The following MICAL2 variants were observed in gnomAD, a reference collection of about 807,000 sequenced individuals.
The protein encoded by MICAL2 is microtubule associated monooxygenase, calponin and LIM domain containing 2.
In MICAL2, 77 loss-of-function variants were observed where a neutral mutation model predicts 127.3. That is an observed-to-expected ratio of 0.60 (90% CI 0.50 to 0.73). MICAL2 has a LOEUF of 0.73. MICAL2 is among the 30% of genes least tolerant of loss of function. MICAL2 has a pLI of 0.00. For synonymous variants in MICAL2, 570 were observed against 551.1 expected, an observed-to-expected ratio of 1.03 and a Z score of -0.48; for missense variants, 1,351 against 1,434.4, an observed-to-expected ratio of 0.94 and a Z score of 0.94.
intron 3 of MICAL2, among the ~76,000 whole-genome samples, chr11:12,188,895 ACT>A (rs969288916): frequency 6.6e-6 from 1 of 151,856 alleles, no homozygotes; most frequent in African/African-American, 2.4e-5. Context: ...CACTATGCGG[ACT>A]CTCTGGATCA....
chr11:12,206,741 T>C (rs1854738906), intron 4 of MICAL2, among the ~76,000 whole-genome samples: 1 of 152,182 alleles, frequency 6.6e-6, no homozygotes. Flanking sequence ...CCTGTGTTCC[T>C]GTTCTAGGCC....
At chr11:12,118,361 C>A (rs1479386425) in intron 1 of MICAL2, among the ~76,000 whole-genome samples, 1 of 152,188 alleles carries the variant, frequency 6.6e-6, no homozygotes, top group African/African-American at 2.4e-5. Context: ...ACTTTTTTGG[C>A]AGCTGTTGTC....
chr11:12,347,221 G>A (rs1319059783), intron 32 of MICAL2, among the ~76,000 whole-genome samples: 3 of 152,076 alleles, frequency 2.0e-5, no homozygotes, highest in East Asian at 3.9e-4. Flanking sequence ...CCCTCAGAAA[G>A]TCCAGCCTCA....
At chr11:12,181,728 A>G (rs1857503584) in intron 3 of MICAL2, among the ~76,000 whole-genome samples, 1 of 152,264 alleles carries the variant, frequency 6.6e-6, no homozygotes, top group Non-Finnish European at 1.5e-5. Context: ...GGCCTGCAAC[A>G]TTAAAACATT....
intron 29 of MICAL2, among the ~76,000 whole-genome samples, chr11:12,307,117 T>A (rs1864121051): frequency 6.6e-6 from 1 of 152,210 alleles, no homozygotes; most frequent in Non-Finnish European, 1.5e-5. Context: ...CTTGACATTG[T>A]CAGACTCAAA....
In MICAL2 at chr11:12,119,685, T is replaced by C. The variant is rs1481557513; in HGVS notation, c.-149+8959T>C. Among the ~76,000 whole-genome samples the C allele has an allele frequency of 2.0e-5, 3 of 152,204 alleles. No individual in the cohort carries two copies. In the East Asian group the frequency reaches 5.8e-4, roughly 29 times the overall value. ...GGCTGGGAGATCTCTAGCTCTCCCT[T>C]TCCCTTTGGACTCAGGTGGGGCTTG... On this transcript the variant is annotated intron_variant, in intron 1 of 27. Transcript: ENST00000683283.
intron 32 of MICAL2, among the ~76,000 whole-genome samples, chr11:12,334,611 C>A (rs1466189922): frequency 1.6e-5 from 2 of 126,268 alleles, no homozygotes; most frequent in African/African-American, 5.9e-5. Context: ...CTCCCCCCAC[C>A]CCCCCACAAC....
At chr11:12,349,886 T>C in exon 33 of MICAL2, 1 of 1,614,140 alleles carries the variant, frequency 6.2e-7, no homozygotes, top group Non-Finnish European at 8.5e-7. Flanking sequence ...TGGTTTAAGC[T>C]GGTTCTGGAG....
chr11:12,188,399 G>A lies in MICAL2; in HGVS notation c.265-15851G>A, dbSNP rs572076387. ...GGTGGCTGTTTTGCCTTCCAGGGAC[G>A]TTTGATAATATTTGAAGACTTTTTT... is the stretch of plus-strand genomic sequence containing the variant. On this transcript the variant is annotated intron_variant, in intron 3 of 27. Transcript: ENST00000683283. Among the ~76,000 whole-genome samples, 6 of 152,254 alleles carry A rather than the reference G, an allele frequency of 3.9e-5. No individual in the cohort carries two copies. The South Asian group carries it at 1.0e-3, about 26-fold the overall frequency.
At position 12,180,793 on chromosome 11, in the gene MICAL2, T is replaced by C. The variant is rs1048941408; in HGVS notation, c.264+18374T>C. On this transcript the variant is annotated intron_variant, in intron 3 of 27. Coordinates refer to ENST00000683283, the MANE Select transcript of MICAL2 (RefSeq NM_001282663.2). The stretch of plus-strand genomic sequence containing the variant: ...CTTTAGTTGCTCAACCTTTGAGGAC[T>C]TCAGTGGAGAAAATGGGAAAGATAT... Among the ~76,000 whole-genome samples the C allele has an allele frequency of 2.6e-5, 4 of 152,178 alleles. No homozygotes were observed. In the South Asian group the frequency reaches 8.3e-4, roughly 32 times the overall value.
intron 1 of MICAL2, among the ~76,000 whole-genome samples, chr11:12,134,845 A>G (rs1245384878): frequency 2.0e-5 from 3 of 152,234 alleles, no homozygotes; most frequent in African/African-American, 7.2e-5. Flanking sequence ...AATTAAATTA[A>G]AAAGGATACA....
intron 3 of MICAL2, among the ~76,000 whole-genome samples, chr11:12,196,960 T>C (rs1860019488): frequency 6.6e-6 from 1 of 152,218 alleles, no homozygotes; most frequent in African/African-American, 2.4e-5. Flanking sequence ...CCATTCATGG[T>C]CTATCTCCTG....
chr11:12,134,286 T>C (rs1017824145), intron 1 of MICAL2, among the ~76,000 whole-genome samples: 1 of 152,226 alleles, frequency 6.6e-6, no homozygotes, highest in African/African-American at 2.4e-5. Flanking sequence ...AAAGAGTTGT[T>C]TTAAATAGCT....
At chr11:12,196,544 G>A (rs973463588) in intron 3 of MICAL2, among the ~76,000 whole-genome samples, 1 of 152,106 alleles carries the variant, frequency 6.6e-6, no homozygotes, top group Non-Finnish European at 1.5e-5. Context: ...ATGAGGAGGA[G>A]CAGCAAGGGT....
chr11:12,216,423 G>T, intron 8 of MICAL2, 104 bp downstream of exon 8: 2 of 875,434 alleles, frequency 2.3e-6, no homozygotes, highest in Non-Finnish European at 1.9e-6. Flanking sequence ...GCGAGGGGAG[G>T]AGGGGGGAAG....
chr11:12,333,569 A>G (rs1452938276), intron 32 of MICAL2, among the ~76,000 whole-genome samples: 2 of 152,212 alleles, frequency 1.3e-5, no homozygotes, highest in Non-Finnish European at 2.9e-5. Context: ...AGAGGTTTGG[A>G]AAGAAAGAAA....
intron 29 of MICAL2, among the ~76,000 whole-genome samples, chr11:12,304,682 ACACACACACAC>A (rs1864088675): frequency 6.6e-6 from 1 of 151,600 alleles, no homozygotes. Flanking sequence ...ACACACACAC[ACACACACACAC>A]AAAACATTCT....
chr11:12,178,429 A>G (rs1395298328), intron 3 of MICAL2, among the ~76,000 whole-genome samples: 3 of 151,828 alleles, frequency 2.0e-5, no homozygotes, highest in African/African-American at 7.3e-5. Context: ...GACAGAAATT[A>G]TAGGCAAAGA....
At position 12,226,847 on chromosome 11, in the gene MICAL2, G is replaced by A. The variant is rs188555879; in HGVS notation, c.1889-178G>A. Among the ~76,000 whole-genome samples, 218 of 151,878 alleles carry A rather than the reference G, an allele frequency of 1.4e-3. 1 individual carries two copies. Among genetic ancestry groups the A allele is most frequent in the Middle Eastern group, 0.01 (3 of 294 alleles). On this transcript the variant is annotated intron_variant, in intron 14 of 27. Coordinates refer to ENST00000683283, the MANE Select transcript of MICAL2 (RefSeq NM_001282663.2). ...TTTTTTGTATTTTTAGTAGAGACGC[G>A]GTTTCACTGTGTTAGCCAGGATGGT...
Sources: allele counts gnomAD v4.1 joint callset (sites outside exome capture counted in the v4.1 genomes callset), GRCh38; gene constraint gnomAD v4.1.1; transcripts MANE v1.5; gene names NCBI Gene and HGNC (gene_info 2026-07-23, HGNC 2026-07-21).